The following BTBD9 variants were observed in gnomAD, a reference collection of about 807,000 sequenced individuals.
The protein encoded by BTBD9 is BTB domain containing 9.
In BTBD9, 49 loss-of-function variants were observed where a neutral mutation model predicts 64.3. The ratio of observed to expected loss-of-function variants is 0.76; its 90% CI spans 0.61 to 0.97. The LOEUF (loss-of-function observed/expected upper bound fraction) is 0.97. Among genes scored for constraint, BTBD9 ranks in the 50% least tolerant of loss-of-function variants. The pLI, the probability that BTBD9 is intolerant of heterozygous loss-of-function variation, is 0.00. For synonymous variants in BTBD9, 260 were observed against 274.7 expected, an observed-to-expected ratio of 0.95 and a Z score of 0.53; for missense variants, 598 against 762.1, an observed-to-expected ratio of 0.78 and a Z score of 2.53.
rs737172 is a variant in BTBD9 at position 38,172,855 on chromosome 6, C to G, written c.*2130G>C. 1.3e-5 allele frequency: 2 copies of G among 152,268 alleles called. No individual in the cohort carries two copies. The highest frequency in any genetic ancestry group is 2.4e-5 in the African/African-American group (1 of 41,438). 9.4% of individuals were successfully genotyped at this position (152,268 alleles called of 1,614,324 possible). A position where few individuals can be genotyped will look rare whatever the true frequency, so the allele number is the denominator to read the frequency against. ...GCGTATTCCTTTTCAGATGCGAGGC[C>G]GAGCTGCCAAGCTGCTATCTCGTTC... is the stretch of plus-strand genomic sequence containing the variant. On this transcript the variant is annotated 3_prime_UTR_variant, in exon 11 of 11. Transcript: ENST00000481247.
intron 1 of BTBD9, among the ~76,000 whole-genome samples, chr6:38,620,486 G>T (rs1201197807): frequency 5.3e-5 from 8 of 152,178 alleles, no homozygotes; most frequent in Admixed American, 5.2e-4. Context: ...ATTGGCCCAA[G>T]ATCTAGGCCA....
intron 6 of BTBD9, among the ~76,000 whole-genome samples, chr6:38,503,179 T>G (rs779241567): frequency 2.0e-5 from 3 of 151,888 alleles, no homozygotes; most frequent in African/African-American, 4.8e-5. Context: ...ACATCACACC[T>G]CCTCCATTCC....
intron 9 of BTBD9, among the ~76,000 whole-genome samples, chr6:38,249,993 C>G (rs900399940): frequency 5.9e-5 from 9 of 152,166 alleles, no homozygotes; most frequent in African/African-American, 2.2e-4. Flanking sequence ...CAGATATTTA[C>G]AGTTCTCCCA....
At chr6:38,463,507 T>C (rs1770200338) in intron 6 of BTBD9, among the ~76,000 whole-genome samples, 2 of 152,218 alleles carry the variant, frequency 1.3e-5, no homozygotes, top group Admixed American at 1.3e-4. Flanking sequence ...AGCTATTGAA[T>C]TTCTAGAGAT....
intron 1 of BTBD9, among the ~76,000 whole-genome samples, chr6:38,607,098 A>T (rs531080631): frequency 6.6e-6 from 1 of 152,324 alleles, no homozygotes; most frequent in East Asian, 1.9e-4. Context: ...CTTTGGAAAG[A>T]TTATACATAC....
chr6:38,224,257 G>A (rs920571285), intron 9 of BTBD9, among the ~76,000 whole-genome samples: 5 of 152,120 alleles, frequency 3.3e-5, no homozygotes, highest in African/African-American at 9.7e-5. Context: ...TCAGTAATAA[G>A]ATTTGAGTCT....
At chr6:38,632,076 C>G (rs572173279) in intron 1 of BTBD9, among the ~76,000 whole-genome samples, 2 of 152,000 alleles carry the variant, frequency 1.3e-5, no homozygotes, top group African/African-American at 4.8e-5. Flanking sequence ...TGCTGTGAGC[C>G]GAGATCGTGC....
chr6:38,514,657 G>C (rs941380190), intron 6 of BTBD9, among the ~76,000 whole-genome samples: 3 of 152,174 alleles, frequency 2.0e-5, no homozygotes, highest in Admixed American at 1.3e-4. Context: ...GGCAGGAAGG[G>C]GAAAATAAAT....
chr6:38,581,506 C>T (rs564248080), intron 4 of BTBD9, among the ~76,000 whole-genome samples: 6 of 152,280 alleles, frequency 3.9e-5, no homozygotes, highest in African/African-American at 1.4e-4. Flanking sequence ...CCCTCACCAA[C>T]ATTAGATTTA....
At chr6:38,295,935 G>C (rs1041990053) in intron 7 of BTBD9, among the ~76,000 whole-genome samples, 1 of 152,082 alleles carries the variant, frequency 6.6e-6, no homozygotes, top group Non-Finnish European at 1.5e-5. Flanking sequence ...TGTAATCCCA[G>C]CTATTGGGAG....
At chr6:38,633,958 G>A (rs1778444778) in intron 1 of BTBD9, among the ~76,000 whole-genome samples, 2 of 152,124 alleles carry the variant, frequency 1.3e-5, no homozygotes, top group South Asian at 4.1e-4. Flanking sequence ...CTGACAATAT[G>A]CATACATGTG....
chr6:38,313,539 G>A (rs1365478752), intron 7 of BTBD9, among the ~76,000 whole-genome samples: 1 of 152,056 alleles, frequency 6.6e-6, no homozygotes, highest in African/African-American at 2.4e-5. Context: ...CTTTTATTAT[G>A]TTGAGGTATG....
rs566466510 is a variant in BTBD9 at position 38,489,227 on chromosome 6, T to C, written c.1154+88373A>G. On this transcript the variant is annotated intron_variant, in intron 6 of 10. Coordinates refer to ENST00000481247, the MANE Select transcript of BTBD9 (RefSeq NM_001099272.2). ...GCTTTTTTAAAAATGCAGATACACA[T>C]ATGCCATTTGAAAAATTAGAATATT... 3.3e-5 allele frequency among the ~76,000 whole-genome samples: 5 copies of C among 152,234 alleles called. No individual in the cohort carries two copies. In the South Asian group the frequency reaches 1.0e-3, roughly 32 times the overall value.
At chr6:38,514,117 G>T (rs1462104194) in intron 6 of BTBD9, among the ~76,000 whole-genome samples, 8 of 152,238 alleles carry the variant, frequency 5.3e-5, no homozygotes, top group Admixed American at 5.2e-4. Context: ...CAGTCTTCTG[G>T]TGCAGTAAGA....
chr6:38,259,803 T>C (rs942124147), intron 8 of BTBD9, among the ~76,000 whole-genome samples: 1 of 152,214 alleles, frequency 6.6e-6, no homozygotes, highest in African/African-American at 2.4e-5. Context: ...TAAATGGGTT[T>C]GGAAAGCATT....
At chr6:38,335,827 G>A (rs564013123) in intron 7 of BTBD9, among the ~76,000 whole-genome samples, 21 of 151,794 alleles carry the variant, frequency 1.4e-4, no homozygotes, top group Admixed American at 7.9e-4. Context: ...TTTGCTTTCC[G>A]GATTCAAGCG....
At chr6:38,187,252 G>A (rs920859797) in intron 10 of BTBD9, among the ~76,000 whole-genome samples, 1 of 152,208 alleles carries the variant, frequency 6.6e-6, no homozygotes, top group Non-Finnish European at 1.5e-5. Flanking sequence ...TAGAAGAGGA[G>A]CAGTGTCTGT....
chr6:38,598,137 G>C lies in BTBD9; in HGVS notation c.-27-16C>G. The stretch of plus-strand genomic sequence containing the variant: ...AGTCGTTGTTCTATCATATAAAGAA[G>C]GAATGAGAGTTAGTTGGGGGAGGGG... On this transcript the variant is annotated splice_polypyrimidine_tract_variant and intron_variant, in intron 1 of 10. Transcript: ENST00000481247. 1 of 1,572,150 alleles carries C rather than the reference G, an allele frequency of 6.4e-7. No homozygotes were observed. The highest frequency in any genetic ancestry group is 8.7e-7 in the Non-Finnish European group (1 of 1,152,126).
chr6:38,216,641 GT>G (rs1170557141), intron 9 of BTBD9, among the ~76,000 whole-genome samples: 2 of 152,202 alleles, frequency 1.3e-5, no homozygotes, highest in South Asian at 2.1e-4. Flanking sequence ...ATTTGTCATG[GT>G]AGTGAAATTC....
Sources: gnomAD v4.1 joint callset for allele counts (sites outside exome capture counted in the v4.1 genomes callset) on GRCh38, gnomAD v4.1.1 for gene constraint, MANE v1.5 for transcripts, NCBI Gene and HGNC (gene_info 2026-07-23, HGNC 2026-07-21) for gene names.